Variants in RASA2 observed in about 807,000 individuals in gnomAD.
RASA2 encodes the protein RAS p21 protein activator 2.
Under a neutral mutation model 118.2 loss-of-function variants are expected in RASA2, and 155 were observed. The ratio of observed to expected loss-of-function variants is 1.31; its 90% CI spans 1.15 to 1.50. The LOEUF (loss-of-function observed/expected upper bound fraction) is 1.50. Ranked by LOEUF, RASA2 falls within the 40% of genes most tolerant of loss-of-function variation. The pLI is 0.00. For missense variants in RASA2, 1,016 were observed against 1,009.6 expected (o/e 1.01, Z -0.09); for synonymous variants, 353 against 349.1 (o/e 1.01, Z -0.12).
intron 9 of RASA2, among the ~76,000 whole-genome samples, chr3:141,563,777 G>A (rs1248525840): frequency 6.6e-6 from 1 of 152,114 alleles, no homozygotes; most frequent in Non-Finnish European, 1.5e-5. Flanking sequence ...CTTTTAACCA[G>A]TGTACTGTAA....
intron 8 of RASA2, 112 bp from the exon 9 acceptor site, chr3:141,559,782 A>T: frequency 2.4e-6 from 2 of 828,642 alleles, no homozygotes; most frequent in Non-Finnish European, 3.9e-6. Flanking sequence ...AACATCTTTT[A>T]AGCATGTAAA....
intron 1 of RASA2, among the ~76,000 whole-genome samples, chr3:141,502,762 A>G (rs993985792): frequency 2.6e-5 from 4 of 152,206 alleles, no homozygotes; most frequent in African/African-American, 9.7e-5. Flanking sequence ...CACCCCAAAT[A>G]ATCCTTAACT....
chr3:141,500,505 C>G (rs982170712), intron 1 of RASA2, among the ~76,000 whole-genome samples: 3 of 152,160 alleles, frequency 2.0e-5, no homozygotes, highest in Admixed American at 6.5e-5. Flanking sequence ...AATCACTTAA[C>G]CTCTCTGAGC....
chr3:141,586,390 A>T (rs2083202394), intron 18 of RASA2, among the ~76,000 whole-genome samples: 1 of 152,158 alleles, frequency 6.6e-6, no homozygotes, highest in Admixed American at 6.6e-5. Context: ...TGTTTATTAT[A>T]AGTTAAGGGG....
intron 8 of RASA2, among the ~76,000 whole-genome samples, 189 bp downstream of exon 8, chr3:141,559,151 T>C (rs1481239953): frequency 6.6e-6 from 1 of 152,164 alleles, no homozygotes; most frequent in Non-Finnish European, 1.5e-5. Context: ...GCAGAAATAG[T>C]CAAAGTGTAT....
At chr3:141,497,171 G>T (rs1304381668) in intron 1 of RASA2, among the ~76,000 whole-genome samples, 2 of 126,344 alleles carry the variant, frequency 1.6e-5, no homozygotes, top group Non-Finnish European at 3.3e-5. Context: ...GTCGTGGGGT[G>T]GGGGGAGAGG....
At chr3:141,610,288 C>T (rs1327956397) in intron 23 of RASA2, among the ~76,000 whole-genome samples, 1 of 142,916 alleles carries the variant, frequency 7.0e-6, no homozygotes, top group Non-Finnish European at 1.5e-5. Flanking sequence ...TTTTTAATTT[C>T]ATATATATGT....
intron 7 of RASA2, among the ~76,000 whole-genome samples, chr3:141,557,799 G>A (rs544039696): frequency 1.5e-4 from 23 of 152,154 alleles, no homozygotes; most frequent in East Asian, 9.7e-4. Flanking sequence ...CAAAGGGCAA[G>A]GTAACAAATT....
intron 19 of RASA2, among the ~76,000 whole-genome samples, chr3:141,598,487 T>C (rs780762097): frequency 1.8e-4 from 28 of 152,188 alleles, no homozygotes; most frequent in Non-Finnish European, 3.2e-4. Context: ...TGTAAGAAAT[T>C]TGTAGTTAAA....
chr3:141,561,464 C>A (rs967014395), intron 9 of RASA2, among the ~76,000 whole-genome samples: 1 of 152,118 alleles, frequency 6.6e-6, no homozygotes, highest in Non-Finnish European at 1.5e-5. Flanking sequence ...TTTAAAGTAA[C>A]CTGCCAGAAA....
At chr3:141,498,661 G>C (rs913707855) in intron 1 of RASA2, among the ~76,000 whole-genome samples, 3 of 151,898 alleles carry the variant, frequency 2.0e-5, no homozygotes, top group Admixed American at 1.3e-4. Context: ...TTTGTGGAGG[G>C]GGGGCGAAGA....
intron 9 of RASA2, among the ~76,000 whole-genome samples, chr3:141,570,146 A>C (rs2082894461): frequency 7.0e-6 from 1 of 141,846 alleles, no homozygotes; most frequent in Admixed American, 7.2e-5. Context: ...AATTTCTCTT[A>C]AGTTCAAATT....
chr3:141,488,247 G>A (rs1443241272), intron 1 of RASA2, among the ~76,000 whole-genome samples: 3 of 151,354 alleles, frequency 2.0e-5, no homozygotes, highest in Non-Finnish European at 4.4e-5. Context: ...ATTTATTTTT[G>A]CATTTGTCGA....
intron 19 of RASA2, among the ~76,000 whole-genome samples, chr3:141,598,206 A>G (rs555814437): frequency 6.6e-6 from 1 of 152,324 alleles, no homozygotes; most frequent in Admixed American, 6.5e-5. Context: ...TGAAGCCTGC[A>G]TAACTCTAGT....
chr3:141,609,529 T>C lies in RASA2; in HGVS notation c.2329+6T>C. 1 of 1,530,202 alleles carries C rather than the reference T, an allele frequency of 6.5e-7. No homozygotes were observed. Among genetic ancestry groups the C allele is most frequent in the African/African-American group, 1.4e-5 (1 of 73,028 alleles). 94.8% of individuals were successfully genotyped at this position (1,530,202 alleles called of 1,614,324 possible). The stretch of plus-strand genomic sequence containing the variant: ...TAAGCTGCAGAAGATGGAAGGTAAA[T>C]ACACAATCTATTTTTATATAACCAT... On this transcript the variant is annotated splice_donor_region_variant and intron_variant, in intron 22 of 23. Coordinates refer to ENST00000286364, the MANE Select transcript of RASA2 (RefSeq NM_006506.5).
chr3:141,607,904 T>C lies in RASA2; in HGVS notation c.2016+144T>C, dbSNP rs570995483. The C allele has an allele frequency of 1.9e-5, 20 of 1,031,620 alleles. No homozygotes were observed. In the African/African-American group the frequency reaches 2.5e-4, roughly 13 times the overall value. The allele number at this position is 1,031,620 out of a possible 1,614,324, so 63.9% of individuals were successfully genotyped here. ...ATTCAAATTTTCAAGAAGTTGTTTA[T>C]TGGATTGTTTACTATTAATCATTAA... is the stretch of plus-strand genomic sequence containing the variant. On this transcript the variant is annotated intron_variant, in intron 20 of 23. Transcript: ENST00000286364.
rs1285258874 is a variant in RASA2, at chr3:141,513,073, AAAAAAAAC to A, written c.251+802_251+809del. ...AGTGAAACTCCATCTCAGAAAAAAA[AAAAAAAAC>A]AAAAAAACGAAAAACAGGGTGTGGG... On this transcript the variant is annotated intron_variant, in intron 2 of 23. Coordinates refer to ENST00000286364, the MANE Select transcript of RASA2 (RefSeq NM_006506.5). Among the ~76,000 whole-genome samples the A allele has an allele frequency of 6.3e-3, 948 of 151,038 alleles. 9 individuals are homozygous for A. Among genetic ancestry groups the A allele is most frequent in the African/African-American group, 0.022 (888 of 41,134 alleles).
intron 3 of RASA2, among the ~76,000 whole-genome samples, chr3:141,524,381 ATGG>A (rs1316050939): frequency 6.6e-6 from 1 of 152,158 alleles, no homozygotes; most frequent in Non-Finnish European, 1.5e-5. Flanking sequence ...AGACCACACA[ATGG>A]TGTAGATAAC....
At chr3:141,559,862 T>C in intron 8 of RASA2, 32 bp from the exon 9 acceptor site, 4 of 1,568,242 alleles carry the variant, frequency 2.6e-6, no homozygotes, top group Non-Finnish European at 2.6e-6. Flanking sequence ...AAACATTGTT[T>C]GCAAAACATA....
Sources: gnomAD v4.1 joint callset for allele counts (sites outside exome capture counted in the v4.1 genomes callset) on GRCh38, gnomAD v4.1.1 for gene constraint, MANE v1.5 for transcripts, NCBI Gene and HGNC (gene_info 2026-07-23, HGNC 2026-07-21) for gene names.